Variants in CLVS1 observed in about 807,000 individuals in gnomAD.
CLVS1 encodes the protein clavesin 1.
CLVS1 carries 10 observed loss-of-function variants against 33.1 expected under a neutral mutation model. The observed-to-expected ratio is 0.30, with a 90% confidence interval of 0.19 to 0.51. The LOEUF (loss-of-function observed/expected upper bound fraction) is 0.51. Among genes scored for constraint, CLVS1 ranks in the 20% least tolerant of loss-of-function variants. CLVS1 has a pLI of 0.97. For missense variants in CLVS1, 343 were observed against 433.4 expected, an observed-to-expected ratio of 0.79 and a Z score of 1.85; for synonymous variants, 163 against 166.1, an observed-to-expected ratio of 0.98 and a Z score of 0.14.
intron 2 of CLVS1, among the ~76,000 whole-genome samples, chr8:61,329,466 C>T (rs917893714): frequency 5.3e-5 from 8 of 152,162 alleles, no homozygotes; most frequent in African/African-American, 1.4e-4. Context: ...AGTGTGACTA[C>T]AGCTAATGTT....
At chr8:61,009,767 G>A in the CLVS1 span, among the ~76,000 whole-genome samples, 5 of 152,290 alleles carry the variant, frequency 3.3e-5, no homozygotes, top group South Asian at 2.1e-4. Context: ...AGACACTGCC[G>A]ATGGGGTGGG....
At chr8:60,999,051 A>G in the CLVS1 span, among the ~76,000 whole-genome samples, 1 of 152,132 alleles carries the variant, frequency 6.6e-6, no homozygotes, top group Non-Finnish European at 1.5e-5. Flanking sequence ...TGTGATGGGC[A>G]TGTGTGGGAT....
chr8:61,130,940 C>T (rs190930803), intron 1 of CLVS1, among the ~76,000 whole-genome samples: 4 of 152,350 alleles, frequency 2.6e-5, no homozygotes, highest in East Asian at 3.9e-4. Flanking sequence ...ACTAATCATT[C>T]ATACAGTGAG....
At chr8:61,156,879 A>G (rs1265730403) in intron 2 of CLVS1, among the ~76,000 whole-genome samples, 1 of 152,218 alleles carries the variant, frequency 6.6e-6, no homozygotes, top group Non-Finnish European at 1.5e-5. Flanking sequence ...GTGCTGTAGC[A>G]CTGATGAAGT....
At chr8:61,292,023 T>A (rs1294104773) in intron 1 of CLVS1, 1 of 218,490 alleles carries the variant, frequency 4.6e-6, no homozygotes, top group Non-Finnish European at 9.5e-6. Context: ...TAGGTCTAAG[T>A]GAGTCCTGAC....
intron 1 of CLVS1, among the ~76,000 whole-genome samples, chr8:61,069,426 TTCC>T: frequency 6.6e-6 from 1 of 152,224 alleles, no homozygotes. Flanking sequence ...CCTTCCTTCC[TTCC>T]TCTGTTTTCC....
intron 1 of CLVS1, among the ~76,000 whole-genome samples, chr8:61,094,723 G>C (rs1805317467): frequency 6.6e-6 from 1 of 152,170 alleles, no homozygotes; most frequent in African/African-American, 2.4e-5. Context: ...GGGAAGTTCT[G>C]CTGAGGGCAC....
At chr8:61,435,201 C>T (rs1816280920) in intron 3 of CLVS1, among the ~76,000 whole-genome samples, 1 of 152,104 alleles carries the variant, frequency 6.6e-6, no homozygotes, top group South Asian at 2.1e-4. Context: ...AATATGGATC[C>T]TAGGTTTAGC....
At chr8:61,383,206 C>G (rs545178051) in intron 3 of CLVS1, among the ~76,000 whole-genome samples, 1 of 152,170 alleles carries the variant, frequency 6.6e-6, no homozygotes, top group East Asian at 1.9e-4. Flanking sequence ...TTGGTGTCAC[C>G]TGCCCACGCA....
At chr8:61,036,568 G>T in the CLVS1 span, among the ~76,000 whole-genome samples, 1 of 152,144 alleles carries the variant, frequency 6.6e-6, no homozygotes, top group Non-Finnish European at 1.5e-5. Flanking sequence ...GAAGCTTATT[G>T]TCCTCTCCTC....
At chr8:61,391,402 A>G (rs1306239445) in intron 3 of CLVS1, among the ~76,000 whole-genome samples, 1 of 152,182 alleles carries the variant, frequency 6.6e-6, no homozygotes, top group African/African-American at 2.4e-5. Context: ...CTTTGGGACC[A>G]CCTGGAAGAA....
intron 2 of CLVS1, among the ~76,000 whole-genome samples, chr8:61,213,532 T>C (rs1808015848): frequency 6.6e-6 from 1 of 151,592 alleles, no homozygotes; most frequent in African/African-American, 2.4e-5. Context: ...CCCAGATTAG[T>C]ACTTTTATAA....
chr8:61,195,502 T>C (rs1171461516), intron 2 of CLVS1, among the ~76,000 whole-genome samples: 1 of 152,048 alleles, frequency 6.6e-6, no homozygotes, highest in Non-Finnish European at 1.5e-5. Flanking sequence ...TCCTGGCTTT[T>C]TTTTTCCCTA....
At chr8:61,220,649 T>A (rs1004160416) in intron 2 of CLVS1, among the ~76,000 whole-genome samples, 3 of 152,008 alleles carry the variant, frequency 2.0e-5, no homozygotes, top group African/African-American at 7.2e-5. Flanking sequence ...CAGGTTTTTT[T>A]TTTTATTTTA....
intron 1 of CLVS1, chr8:61,292,140 A>C (rs1012120530): frequency 1.8e-5 from 5 of 283,580 alleles, no homozygotes; most frequent in Non-Finnish European, 3.6e-5. Context: ...TAATATTCTC[A>C]CTTTTACGTC....
chr8:61,416,730 A>G (rs1815454217), intron 3 of CLVS1, among the ~76,000 whole-genome samples: 1 of 152,204 alleles, frequency 6.6e-6, no homozygotes, highest in African/African-American at 2.4e-5. Flanking sequence ...CAAGAATGGA[A>G]AAGGGGTAAC....
At chr8:61,139,288 T>A (rs1177400698) in intron 2 of CLVS1, among the ~76,000 whole-genome samples, 1 of 152,160 alleles carries the variant, frequency 6.6e-6, no homozygotes, top group Non-Finnish European at 1.5e-5. Flanking sequence ...CCCAGCTCCG[T>A]GGCGGCTCCA....
intron 3 of CLVS1, among the ~76,000 whole-genome samples, chr8:61,400,957 CA>C (rs1814724426): frequency 6.6e-6 from 1 of 151,874 alleles, no homozygotes; most frequent in African/African-American, 2.4e-5. Flanking sequence ...AGGATTTTTG[CA>C]ATGATATTTA....
the CLVS1 span, among the ~76,000 whole-genome samples, chr8:61,031,843 A>G: frequency 2.6e-5 from 4 of 152,174 alleles, no homozygotes; most frequent in Non-Finnish European, 5.9e-5. Flanking sequence ...AAATTGGCAT[A>G]TGTTTTAAAT....
Sources: gnomAD v4.1 joint callset for allele counts (sites outside exome capture counted in the v4.1 genomes callset) on GRCh38, gnomAD v4.1.1 for gene constraint, MANE v1.5 for transcripts, NCBI Gene and HGNC (gene_info 2026-07-23, HGNC 2026-07-21) for gene names.